The following UBE2Q1 variants were observed in gnomAD, a reference collection of about 807,000 sequenced individuals.
The protein encoded by UBE2Q1 is ubiquitin conjugating enzyme E2 Q1, also known as ubiquitin-conjugating enzyme E2 Q1.
In UBE2Q1, 6 loss-of-function variants were observed where a neutral mutation model predicts 60.1. The ratio of observed to expected loss-of-function variants is 0.10; its 90% CI spans 0.05 to 0.20. The LOEUF is 0.20. Among genes scored for constraint, UBE2Q1 ranks in the 10% least tolerant of loss-of-function variants. The probability of loss-of-function intolerance (pLI) is 1.00; values close to 1 mark genes in which losing one functional copy is unlikely to be tolerated. For synonymous variants in UBE2Q1, 226 were observed against 208.3 expected, an observed-to-expected ratio of 1.09 and a Z score of -0.73; for missense variants, 262 against 525.8, an observed-to-expected ratio of 0.50 and a Z score of 4.91.
chr1:154,558,312 G>A lies in UBE2Q1; in HGVS notation c.242C>T (p.Ala81Val). 1 of 1,578,458 alleles carries A rather than the reference G, an allele frequency of 6.3e-7. No homozygotes were observed. The highest frequency in any genetic ancestry group is 1.2e-5 in the South Asian group (1 of 86,938). ...CEFLLAGAGG[A>V]GAGAAPGPHL... ...CGGTCCGGGCGCGGCCCCCGCCCCG[G>A]CCCCTCCGGCCCCAGCCAGCAGGAA... is the stretch of plus-strand genomic sequence containing the variant. Residue 81 changes from alanine (A) to valine (V), a missense_variant, in exon 1 of 13, where the codon GCC becomes GTC. Around this residue, in one of 5 missense-constraint regions of UBE2Q1, gnomAD observed 49 missense variants for 32.5 expected, o/e 1.51. Transcript: ENST00000292211.
In UBE2Q1 at chr1:154,558,438, G is replaced by T; in HGVS notation, c.116C>A (p.Pro39His). ...CAGCTTCAGCTCTCGCCTCAGGCAG[G>T]GCCCCGGCCCCGGGCCCCCCCCTGG... ...GGPGGGPGPG[P>H]CLRRELKLLE... Residue 39 changes from proline to histidine, a missense_variant, in exon 1 of 13, where the codon CCC (proline) becomes CAC (histidine). By Grantham distance (77) the Pro-to-His change is moderately conservative. Around this residue, in one of 5 missense-constraint regions of UBE2Q1, gnomAD observed 70 missense variants for 56.7 expected, o/e 1.24. Coordinates refer to ENST00000292211, the MANE Select transcript of UBE2Q1 (RefSeq NM_017582.7). 1 of 1,481,024 alleles carries T rather than the reference G, an allele frequency of 6.8e-7. No individual in the cohort carries two copies. The allele number at this position is 1,481,024 out of a possible 1,614,324, so 91.7% of individuals were successfully genotyped here.
intron 10 of UBE2Q1, 94 bp from the exon 11 acceptor site, chr1:154,551,586 A>C (rs1443640141): frequency 2.0e-6 from 3 of 1,489,002 alleles, no homozygotes; most frequent in Non-Finnish European, 1.9e-6. Flanking sequence ...TGTCTATAGG[A>C]GGGCCCTTGC....
Position 154,555,916 on chromosome 1 carries a change from G to A in UBE2Q1, c.376C>T (p.Pro126Ser). ...PPIWSVESDD[P>S]NLAAVLERLV... Reference sequence around the variant, plus strand: ...CTCTCCAAGACAGCAGCCAAGTTAGGGTCATCAGACTCCACCGACCAGATG... The same window carrying A: ...CTCTCCAAGACAGCAGCCAAGTTAGAGTCATCAGACTCCACCGACCAGATG... The change falls in exon 2 of 13, where the codon CCT becomes TCT. Residue 126 changes from proline (P) to serine (S), a missense_variant. Pro to Ser is a moderately conservative substitution (Grantham distance 74, BLOSUM62 -1). This residue lies in a region of UBE2Q1 where 111 missense variants were observed against 266.8 expected (regional missense o/e 0.42). Transcript: ENST00000292211. 6.2e-7 allele frequency: 1 copy of A among 1,614,026 alleles called. No homozygotes were observed. Among genetic ancestry groups the A allele is most frequent in the Non-Finnish European group, 8.5e-7 (1 of 1,180,006 alleles).
intron 1 of UBE2Q1, among the ~76,000 whole-genome samples, chr1:154,557,586 G>C (rs1695914624): frequency 6.6e-6 from 1 of 152,220 alleles, no homozygotes; most frequent in Non-Finnish European, 1.5e-5. Flanking sequence ...ATAGGGAACA[G>C]GCAGGGGAGT....
intron 1 of UBE2Q1, among the ~76,000 whole-genome samples, chr1:154,556,973 T>G (rs956014356): frequency 6.6e-6 from 1 of 152,108 alleles, no homozygotes; most frequent in African/African-American, 2.4e-5. Flanking sequence ...GGAGGAAAAA[T>G]AATTATCAAA....
chr1:154,552,891 A>G, intron 5 of UBE2Q1, 71 bp from the exon 6 acceptor site: 21 of 1,595,222 alleles, frequency 1.3e-5, no homozygotes, highest in Non-Finnish European at 1.7e-5. Flanking sequence ...CCTTAGGGGC[A>G]GTCTGGCAGC....
Position 154,550,338 on chromosome 1 carries a change from G to A in UBE2Q1, c.*100C>T. 1 of 1,499,290 alleles carries A rather than the reference G, an allele frequency of 6.7e-7. No homozygotes were observed. The highest frequency in any genetic ancestry group is 1.4e-5 in the African/African-American group (1 of 72,642). 92.9% of individuals were successfully genotyped at this position (1,499,290 alleles called of 1,614,324 possible). On this transcript the variant is annotated 3_prime_UTR_variant, in exon 13 of 13. Transcript: ENST00000292211. ...CAGAGCTATCACGTCCAGGAAAAATGAGGGAGGGAACCACAGAGGCAGCGT... is the reference window on the plus strand; with the variant it reads ...CAGAGCTATCACGTCCAGGAAAAATAAGGGAGGGAACCACAGAGGCAGCGT...
chr1:154,554,595 A>T (rs917899358), intron 4 of UBE2Q1, 140 bp downstream of exon 4: 2 of 884,644 alleles, frequency 2.3e-6, no homozygotes, highest in Non-Finnish European at 3.5e-6. Flanking sequence ...TACACTGGCT[A>T]TTCCTCCAGG....
At chr1:154,556,770 TC>T (rs1255419604) in intron 1 of UBE2Q1, among the ~76,000 whole-genome samples, 1 of 152,122 alleles carries the variant, frequency 6.6e-6, no homozygotes, top group Non-Finnish European at 1.5e-5. Flanking sequence ...AAATTTAACT[TC>T]CTGCCAGGGA....
At chr1:154,552,559 A>C (rs965462586) in intron 6 of UBE2Q1, 95 bp from the exon 7 acceptor site, 2 of 1,515,388 alleles carry the variant, frequency 1.3e-6, no homozygotes, top group Middle Eastern at 1.7e-4. Context: ...GAAAAAGATC[A>C]ACAGCTCTAG....
chr1:154,550,631 G>C, intron 12 of UBE2Q1, 162 bp from the exon 13 acceptor site: 1 of 985,368 alleles, frequency 1.0e-6, no homozygotes, highest in Non-Finnish European at 1.2e-6. Flanking sequence ...CTGCATACCT[G>C]GAGATGAGAA....
At chr1:154,553,306 A>G in intron 4 of UBE2Q1, 134 bp from the exon 5 acceptor site, 1 of 1,173,168 alleles carries the variant, frequency 8.5e-7, no homozygotes, top group East Asian at 2.5e-5. Flanking sequence ...TAGCAGTCTT[A>G]TAAACGCAAC....
chr1:154,550,842 C>A, intron 12 of UBE2Q1, 96 bp downstream of exon 12: 2 of 1,603,230 alleles, frequency 1.2e-6, no homozygotes, highest in Non-Finnish European at 1.7e-6. Flanking sequence ...GGTTGAGTAT[C>A]AGAAACCAAA....
intron 10 of UBE2Q1, 96 bp from the exon 11 acceptor site, chr1:154,551,588 G>C (rs1695791009): frequency 6.8e-7 from 1 of 1,480,766 alleles, no homozygotes; most frequent in African/African-American, 1.4e-5. Flanking sequence ...TCTATAGGAG[G>C]GCCCTTGCCC....
At chr1:154,555,076 C>T in intron 3 of UBE2Q1, 1 of 523,298 alleles carries the variant, frequency 1.9e-6, no homozygotes, top group Non-Finnish European at 3.4e-6. Context: ...CCCTCCTTTA[C>T]TTGATCTTCT....
At chr1:154,555,003 G>A in intron 3 of UBE2Q1, 1 of 557,966 alleles carries the variant, frequency 1.8e-6, no homozygotes. Context: ...AAGAATAAAA[G>A]AAAAGCAAAA....
chr1:154,555,663 G>A, intron 2 of UBE2Q1, 131 bp from the exon 3 acceptor site: 1 of 973,374 alleles, frequency 1.0e-6, no homozygotes. Context: ...CGTGGCTGTG[G>A]GAATGAGTCT....
At position 154,558,308 on chromosome 1, in the gene UBE2Q1, C is replaced by CCCGGCCCCT. The variant is rs1383589476; in HGVS notation, c.237_245dup (p.Gly80_Gly82dup). The CCCGGCCCCT allele has an allele frequency of 1.3e-6, 2 of 1,581,386 alleles. No homozygotes were observed. Among genetic ancestry groups the CCCGGCCCCT allele is most frequent in the Non-Finnish European group, 1.7e-6 (2 of 1,167,416 alleles). On this transcript the variant is annotated inframe_insertion, in exon 1 of 13. Coordinates refer to ENST00000292211, the MANE Select transcript of UBE2Q1 (RefSeq NM_017582.7). The stretch of plus-strand genomic sequence containing the variant: ...GATGCGGTCCGGGCGCGGCCCCCGC[C>CCCGGCCCCT]CCGGCCCCTCCGGCCCCAGCCAGCA...
intron 1 of UBE2Q1, among the ~76,000 whole-genome samples, chr1:154,557,951 C>A (rs1204878332): frequency 2.6e-5 from 4 of 151,950 alleles, no homozygotes; most frequent in Non-Finnish European, 5.9e-5. Flanking sequence ...CCAAAAAGAG[C>A]CAAAATCATG....
Sources: allele counts gnomAD v4.1 joint callset (sites outside exome capture counted in the v4.1 genomes callset), GRCh38; gene constraint gnomAD v4.1.1; regional missense constraint gnomAD v4.1.1; transcripts MANE v1.5; gene names NCBI Gene and HGNC (gene_info 2026-07-23, HGNC 2026-07-21).